The following ZDHHC17 variants were observed in gnomAD, a reference collection of about 807,000 sequenced individuals.
The protein encoded by ZDHHC17 is palmitoyltransferase ZDHHC17.
ZDHHC17 carries 40 observed loss-of-function variants against 90.3 expected under a neutral mutation model. The observed-to-expected ratio is 0.44, with a 90% CI of 0.34 to 0.58. ZDHHC17 has a LOEUF of 0.58. Ranked by LOEUF, ZDHHC17 falls within the 20% of genes least tolerant of loss-of-function variation. The pLI, the probability that ZDHHC17 is intolerant of heterozygous loss-of-function variation, is 0.01. For missense variants in ZDHHC17, 614 were observed against 780.8 expected, an observed-to-expected ratio of 0.79 and a Z score of 2.55; for synonymous variants, 235 against 252.4, an observed-to-expected ratio of 0.93 and a Z score of 0.65.
At chr12:76,789,147 T>C (rs961202235) in intron 1 of ZDHHC17, among the ~76,000 whole-genome samples, 1 of 152,216 alleles carries the variant, frequency 6.6e-6, no homozygotes, top group African/African-American at 2.4e-5. Flanking sequence ...ATAAAAATAT[T>C]CATACTCTTT....
intron 1 of ZDHHC17, chr12:76,769,054 T>A (rs12372345): frequency 0.011 from 4,648 of 427,700 alleles, 36 homozygotes; most frequent in Non-Finnish European, 0.016. Context: ...TTTTTGAAGC[T>A]TTTGGTTTTT....
intron 10 of ZDHHC17, among the ~76,000 whole-genome samples, chr12:76,834,567 A>G (rs954589350): frequency 6.6e-6 from 1 of 152,018 alleles, no homozygotes; most frequent in South Asian, 2.1e-4. Flanking sequence ...TCCTTTTAAT[A>G]CCCTCTAAGC....
chr12:76,804,643 G>C (rs1192461189), intron 2 of ZDHHC17, among the ~76,000 whole-genome samples: 3 of 152,130 alleles, frequency 2.0e-5, no homozygotes, highest in East Asian at 1.9e-4. Flanking sequence ...ACTTAAGCGT[G>C]GAAAAGGACG....
intron 11 of ZDHHC17, 88 bp downstream of exon 11, chr12:76,842,194 T>C: frequency 1.5e-6 from 2 of 1,304,696 alleles, no homozygotes; most frequent in Non-Finnish European, 2.0e-6. Context: ...GAATTAACTA[T>C]CGTTTAGAAT....
In ZDHHC17 at chr12:76,830,190, T is replaced by C. The variant is rs189599693; in HGVS notation, c.1141+1700T>C. Among the ~76,000 whole-genome samples the C allele has an allele frequency of 1.4e-3, 220 of 152,342 alleles. 1 individual carries two copies. Among genetic ancestry groups the C allele is most frequent in the Non-Finnish European group, 1.2e-3 (80 of 68,032 alleles). On this transcript the variant is annotated intron_variant, in intron 10 of 16. Coordinates refer to ENST00000426126, the MANE Select transcript of ZDHHC17 (RefSeq NM_015336.4). ...AACATTACAAAAAGTATATGATATG[T>C]TTTAAATGATATGCAGCTTTTGGTG...
intron 10 of ZDHHC17, among the ~76,000 whole-genome samples, chr12:76,833,754 C>G (rs185578019): frequency 2.9e-4 from 44 of 152,262 alleles, no homozygotes; most frequent in Non-Finnish European, 2.6e-4. Flanking sequence ...GATTGCGCCA[C>G]TGCACTCCAG....
intron 8 of ZDHHC17, among the ~76,000 whole-genome samples, chr12:76,826,288 C>G (rs144544691): frequency 1.9e-3 from 283 of 152,238 alleles, no homozygotes; most frequent in African/African-American, 6.0e-3. Context: ...TTTATACTTA[C>G]AAGTATGGAC....
chr12:76,770,253 G>A (rs1156658538), intron 1 of ZDHHC17, among the ~76,000 whole-genome samples: 1 of 152,176 alleles, frequency 6.6e-6, no homozygotes, highest in Admixed American at 6.5e-5. Context: ...AACAATTGTA[G>A]TATGCATATA....
intron 1 of ZDHHC17, among the ~76,000 whole-genome samples, chr12:76,792,401 C>T (rs1952768886): frequency 6.6e-6 from 1 of 152,130 alleles, no homozygotes; most frequent in African/African-American, 2.4e-5. Context: ...GTTATATAAT[C>T]CCATCAAGGT....
intron 8 of ZDHHC17, 104 bp downstream of exon 8, chr12:76,822,635 A>G: frequency 2.3e-6 from 2 of 856,066 alleles, no homozygotes; most frequent in South Asian, 1.6e-5. Context: ...GCTCACTGCA[A>G]TCCCTGCCTC....
chr12:76,831,303 A>G (rs79228478), intron 10 of ZDHHC17, among the ~76,000 whole-genome samples: 29 of 151,264 alleles, frequency 1.9e-4, no homozygotes, highest in African/African-American at 6.8e-4. Flanking sequence ...TGGATTCACA[A>G]TTTTTTTTTG....
chr12:76,815,120 G>T, intron 5 of ZDHHC17, 26 bp from the exon 6 acceptor site: 1 of 1,514,394 alleles, frequency 6.6e-7, no homozygotes, highest in South Asian at 1.3e-5. Context: ...TTAACTGTCT[G>T]ACTTTTTTTC....
At position 76,849,436 on chromosome 12, in the gene ZDHHC17, A is replaced by C; in HGVS notation, c.1726A>C (p.Lys576Gln). ...GAATGCCAGGAGATACAAGCACTTT[A>C]AAGTCACAACAACGTCTATTGAAAG... ...RMNARRYKHF[K>Q]VTTTSIESPF... Residue 576 changes from lysine to glutamine, a missense_variant, in exon 16 of 17, where the codon AAA (lysine) becomes CAA (glutamine). Physicochemically the swap from Lys to Gln is moderately conservative, Grantham distance 53 (BLOSUM62 1). Around this residue, in one of 5 missense-constraint regions of ZDHHC17, gnomAD observed 111 missense variants for 179.8 expected, o/e 0.62. Coordinates refer to ENST00000426126, the MANE Select transcript of ZDHHC17 (RefSeq NM_015336.4). The C allele has an allele frequency of 6.4e-7, 1 of 1,556,388 alleles. No individual in the cohort carries two copies. Among genetic ancestry groups the C allele is most frequent in the Non-Finnish European group, 8.7e-7 (1 of 1,149,036 alleles).
At chr12:76,808,364 C>T (rs1293619775) in intron 3 of ZDHHC17, among the ~76,000 whole-genome samples, 1 of 152,156 alleles carries the variant, frequency 6.6e-6, no homozygotes, top group Admixed American at 6.5e-5. Context: ...GGTGCGGCCG[C>T]TCACTCCTGT....
intron 1 of ZDHHC17, among the ~76,000 whole-genome samples, chr12:76,777,865 C>G (rs1952576522): frequency 6.6e-6 from 1 of 151,790 alleles, no homozygotes; most frequent in African/African-American, 2.4e-5. Context: ...GGAAGTGAAA[C>G]CAGAATGAAA....
At chr12:76,846,817 G>A in intron 14 of ZDHHC17, 138 bp downstream of exon 14, 13 of 694,486 alleles carry the variant, frequency 1.9e-5, no homozygotes, top group Admixed American at 2.9e-5. Flanking sequence ...AAGCACAAAA[G>A]GGAAAAAAGA....
At chr12:76,774,329 T>C (rs923093078) in intron 1 of ZDHHC17, among the ~76,000 whole-genome samples, 1 of 150,286 alleles carries the variant, frequency 6.7e-6, no homozygotes, top group Non-Finnish European at 1.5e-5. Flanking sequence ...CACATATATA[T>C]ACATACACAC....
intron 1 of ZDHHC17, chr12:76,764,630 G>A (rs974952030): frequency 3.5e-5 from 19 of 538,928 alleles, no homozygotes; most frequent in Admixed American, 3.0e-4. Flanking sequence ...GAGGCGGAGG[G>A]GCCTGGTGTG....
chr12:76,828,131 C>T (rs936770239), intron 9 of ZDHHC17, among the ~76,000 whole-genome samples: 6 of 151,896 alleles, frequency 4.0e-5, no homozygotes, highest in Admixed American at 6.6e-5. Context: ...AATAGGAGTG[C>T]GCTAAAATTC....
Sources: allele counts gnomAD v4.1 joint callset (sites outside exome capture counted in the v4.1 genomes callset), GRCh38; gene constraint gnomAD v4.1.1; regional missense constraint gnomAD v4.1.1; transcripts MANE v1.5; gene names NCBI Gene and HGNC (gene_info 2026-07-23, HGNC 2026-07-21).